The following ATP2B2 variants were observed in gnomAD, a reference collection of about 807,000 sequenced individuals.
The protein encoded by ATP2B2 is ATPase plasma membrane Ca2+ transporting 2, also known as plasma membrane calcium-transporting ATPase 2.
Under a neutral mutation model 120.0 loss-of-function variants are expected in ATP2B2, and 15 were observed. That is an observed-to-expected ratio of 0.12 (90% confidence interval 0.08 to 0.19). The LOEUF (loss-of-function observed/expected upper bound fraction) is 0.19, where lower values mean the gene tolerates loss of function less well. Ranked by LOEUF, ATP2B2 falls within the 10% of genes least tolerant of loss-of-function variation. The pLI is 1.00. For missense variants in ATP2B2, 1,045 were observed against 1,719.8 expected, an observed-to-expected ratio of 0.61 and a Z score of 6.94; for synonymous variants, 694 against 700.3, an observed-to-expected ratio of 0.99 and a Z score of 0.14.
upstream of ATP2B2, among the ~76,000 whole-genome samples, chr3:10,509,420 CA>C (rs1302836510): frequency 6.6e-6 from 1 of 152,154 alleles, no homozygotes; most frequent in East Asian, 1.9e-4. Flanking sequence ...AAGGTATTTC[CA>C]AAGGTCTCTC....
intron 12 of ATP2B2, among the ~76,000 whole-genome samples, chr3:10,370,523 C>T (rs1026033222): frequency 1.3e-5 from 2 of 152,218 alleles, no homozygotes; most frequent in Non-Finnish European, 2.9e-5. Context: ...GACCTACTTT[C>T]CCCGTTGTCA....
chr3:10,594,696 C>A (rs1190355257), intron 2 of ATP2B2, among the ~76,000 whole-genome samples: 6 of 132,232 alleles, frequency 4.5e-5, no homozygotes, highest in African/African-American at 1.7e-4. Flanking sequence ...TGCACATGTA[C>A]CCTAGAACTT....
chr3:10,362,056 GGT>G (rs953467532), intron 12 of ATP2B2, among the ~76,000 whole-genome samples: 6 of 152,212 alleles, frequency 3.9e-5, no homozygotes, highest in Non-Finnish European at 7.3e-5. Context: ...CATTGAGACA[GGT>G]GACTCAGGTG....
intron 2 of ATP2B2, among the ~76,000 whole-genome samples, chr3:10,412,346 C>G (rs1484603373): frequency 6.6e-6 from 1 of 152,148 alleles, no homozygotes; most frequent in Non-Finnish European, 1.5e-5. Flanking sequence ...GTGCGTGGCT[C>G]TGGTGGGGAA....
chr3:10,578,371 C>T (rs1404398357), intron 2 of ATP2B2, among the ~76,000 whole-genome samples: 3 of 149,772 alleles, frequency 2.0e-5, no homozygotes, highest in Non-Finnish European at 3.0e-5. Context: ...GGTGAAATCC[C>T]GTTTCTACTA....
chr3:10,333,413 A>T (rs1212797577), intron 22 of ATP2B2, among the ~76,000 whole-genome samples: 2 of 152,144 alleles, frequency 1.3e-5, no homozygotes, highest in Non-Finnish European at 2.9e-5. Context: ...CCACCTGTTT[A>T]AACCTCCCTG....
intron 1 of ATP2B2, among the ~76,000 whole-genome samples, chr3:10,689,842 C>A (rs2071615225): frequency 1.3e-5 from 2 of 152,210 alleles, no homozygotes; most frequent in Admixed American, 1.3e-4. Context: ...TGCTGCGCAC[C>A]CTCCACCCCG....
intron 5 of ATP2B2, among the ~76,000 whole-genome samples, chr3:10,395,127 TGA>T (rs1409077484): frequency 6.6e-6 from 1 of 152,190 alleles, no homozygotes; most frequent in Non-Finnish European, 1.5e-5. Context: ...TGTTGCAAGA[TGA>T]GGAGTCTGGG....
intron 22 of ATP2B2, chr3:10,332,449 A>G (rs1435872614): frequency 2.1e-5 from 4 of 188,122 alleles, no homozygotes; most frequent in Non-Finnish European, 2.3e-5. Context: ...TGAGGCAATG[A>G]GAAAGAGAGG....
chr3:10,425,338 A>G (rs1187277321), intron 2 of ATP2B2, among the ~76,000 whole-genome samples: 1 of 152,146 alleles, frequency 6.6e-6, no homozygotes, highest in East Asian at 1.9e-4. Flanking sequence ...AACCAAGAGA[A>G]TGTTATTTAA....
chr3:10,358,999 C>T, intron 13 of ATP2B2, 74 bp from the exon 14 acceptor site: 1 of 1,389,802 alleles, frequency 7.2e-7, no homozygotes, highest in Admixed American at 1.8e-5. Context: ...CACCTCCCCA[C>T]CCTCGTGATG....
Position 10,631,270 on chromosome 3 carries a change from T to C in ATP2B2, c.-459-11309A>G, listed in dbSNP as rs1469589035. Among the ~76,000 whole-genome samples, 8 of 152,374 alleles carry C rather than the reference T, an allele frequency of 5.3e-5. No homozygotes were observed. The East Asian group carries it at 1.5e-3, about 29-fold the overall frequency. The stretch of plus-strand genomic sequence containing the variant: ...ATCAGAAGAAAAAACATTTGCAGAA[T>C]TTGTTGTTGCTCAACACTTTTTATA... On this transcript the variant is annotated intron_variant, in intron 1 of 21. Coordinates refer to the ATP2B2 transcript ENST00000646379.
At chr3:10,423,114 A>C (rs2063040579) in intron 2 of ATP2B2, among the ~76,000 whole-genome samples, 1 of 152,236 alleles carries the variant, frequency 6.6e-6, no homozygotes, top group Admixed American at 6.5e-5. Flanking sequence ...AAAATATAGG[A>C]TACCCAGAGA....
chr3:10,633,490 A>G (rs1217284661), intron 1 of ATP2B2, among the ~76,000 whole-genome samples: 3 of 152,188 alleles, frequency 2.0e-5, no homozygotes, highest in Admixed American at 6.5e-5. Context: ...ATCAACAGGG[A>G]CCAAGAAGGG....
chr3:10,369,833 A>G (rs969169423), intron 12 of ATP2B2, among the ~76,000 whole-genome samples: 1 of 152,236 alleles, frequency 6.6e-6, no homozygotes, highest in African/African-American at 2.4e-5. Context: ...ACCACTACCC[A>G]GTCACACAGA....
At chr3:10,632,326 C>T (rs1208031563) in intron 1 of ATP2B2, among the ~76,000 whole-genome samples, 2 of 152,168 alleles carry the variant, frequency 1.3e-5, no homozygotes, top group Non-Finnish European at 2.9e-5. Context: ...CCCAGCTGCT[C>T]GTCTCCCCGT....
At chr3:10,605,646 CT>C (rs1463602273) in intron 2 of ATP2B2, among the ~76,000 whole-genome samples, 1 of 91,002 alleles carries the variant, frequency 1.1e-5, no homozygotes, top group Non-Finnish European at 2.1e-5. Context: ...GGGACCCTAT[CT>C]TTACAGTTTT....
At chr3:10,701,489 A>G (rs987717544) in intron 1 of ATP2B2, among the ~76,000 whole-genome samples, 4 of 152,060 alleles carry the variant, frequency 2.6e-5, no homozygotes, top group Admixed American at 2.6e-4. Context: ...CATCCTAGAG[A>G]GTTGTTTTCA....
intron 3 of ATP2B2, among the ~76,000 whole-genome samples, chr3:10,530,205 G>T (rs910772632): frequency 2.1e-4 from 32 of 152,182 alleles, no homozygotes; most frequent in African/African-American, 7.7e-4. Flanking sequence ...GTTCCCACCG[G>T]GGACCACCAA....
Sources: allele counts gnomAD v4.1 joint callset (sites outside exome capture counted in the v4.1 genomes callset), GRCh38; gene constraint gnomAD v4.1.1; transcripts MANE v1.5; gene names NCBI Gene and HGNC (gene_info 2026-07-23, HGNC 2026-07-21).